The following CLDN10 variants were observed in gnomAD, a reference collection of about 807,000 sequenced individuals.
CLDN10 encodes the protein claudin 10, also known as claudin-10.
A neutral mutation model predicts 22.9 loss-of-function variants in CLDN10; 15 were observed. The ratio of observed to expected loss-of-function variants is 0.65; its 90% CI spans 0.44 to 1.01. The LOEUF (loss-of-function observed/expected upper bound fraction) is 1.01, where lower values mean the gene tolerates loss of function less well. Among genes scored for constraint, CLDN10 ranks in the 50% least tolerant of loss-of-function variants. The probability of loss-of-function intolerance (pLI) is 0.00; values close to 1 mark genes in which losing one functional copy is unlikely to be tolerated. For synonymous variants in CLDN10, 114 were observed against 111.4 expected (o/e 1.02, Z -0.15); for missense variants, 247 against 287.8 (o/e 0.86, Z 1.03).
At chr13:95,550,793 A>G (rs7322348), upstream of CLDN10, among the ~76,000 whole-genome samples, 96,755 of 148,484 alleles carry the variant, frequency 0.65, 31,800 homozygotes, top group Non-Finnish European at 0.69. Context: ...TAGCAAGGAG[A>G]ATGAGAAGGA....
chr13:95,438,975 CAAAAAAA>C (rs397851895), intron 1 of CLDN10, among the ~76,000 whole-genome samples: 33 of 62,222 alleles, frequency 5.3e-4, no homozygotes, highest in Middle Eastern at 8.2e-3. Context: ...GACTCCATCG[CAAAAAAA>C]AAAAAAAAAA....
At chr13:95,513,881 G>A (rs1183512249) in intron 1 of CLDN10, among the ~76,000 whole-genome samples, 1 of 152,202 alleles carries the variant, frequency 6.6e-6, no homozygotes, top group Non-Finnish European at 1.5e-5. Flanking sequence ...AATAAGCAGT[G>A]CTATATGATA....
intron 1 of CLDN10, among the ~76,000 whole-genome samples, chr13:95,468,639 T>C (rs151073061): frequency 6.6e-6 from 1 of 152,106 alleles, no homozygotes; most frequent in Non-Finnish European, 1.5e-5. Flanking sequence ...GGTGGGAGGA[T>C]CATTTGAACC....
At chr13:95,502,574 C>T (rs1174550136) in intron 1 of CLDN10, among the ~76,000 whole-genome samples, 2 of 152,148 alleles carry the variant, frequency 1.3e-5, no homozygotes, top group Admixed American at 6.6e-5. Flanking sequence ...AGCTAGAGTG[C>T]AGTGGCATGA....
chr13:95,517,624 G>A lies in CLDN10; in HGVS notation c.215-42508G>A, dbSNP rs1021548344. Among the ~76,000 whole-genome samples, 12 of 152,226 alleles carry A rather than the reference G, an allele frequency of 7.9e-5. No homozygotes were observed. In the South Asian group the frequency reaches 8.3e-4, roughly 11 times the overall value. On this transcript the variant is annotated intron_variant, in intron 1 of 4. Transcript: ENST00000376873. Reference sequence around the variant, plus strand: ...TTTCCTGACAAGATTCTGAAGTATAGACACTCTGTCTTACCAATTGAGAGA... The same window carrying A: ...TTTCCTGACAAGATTCTGAAGTATAAACACTCTGTCTTACCAATTGAGAGA...
At chr13:95,468,202 T>C (rs780353074) in intron 1 of CLDN10, among the ~76,000 whole-genome samples, 9 of 149,366 alleles carry the variant, frequency 6.0e-5, no homozygotes, top group South Asian at 2.2e-4. Context: ...CCTGATTAGA[T>C]TCTGGATTCT....
chr13:95,578,277 A>C lies in CLDN10; in HGVS notation c.*263A>C, dbSNP rs1382424721. 17 of 263,716 alleles carry C rather than the reference A, an allele frequency of 6.4e-5. No homozygotes were observed. In the East Asian group the frequency reaches 1.4e-3, roughly 22 times the overall value. 16.3% of individuals were successfully genotyped at this position (263,716 alleles called of 1,614,324 possible). A position where few individuals can be genotyped will look rare whatever the true frequency, so the allele number is the denominator to read the frequency against. On this transcript the variant is annotated 3_prime_UTR_variant, in exon 5 of 5. Transcript: ENST00000299339. ...TTCTACATTTATATAGAACATGAAA[A>C]GCATTTAGTACCAAAGGTTCAAGAA...
chr13:95,517,804 G>A (rs1388879630), intron 1 of CLDN10, among the ~76,000 whole-genome samples: 1 of 151,802 alleles, frequency 6.6e-6, no homozygotes, highest in Non-Finnish European at 1.5e-5. Context: ...CGTGGTGGCG[G>A]GTGCCTGTAA....
rs781569954 is a variant in CLDN10 at position 95,560,230 on chromosome 13, G to A, written c.319G>A (p.Gly107Arg). The part of the protein sequence containing the change: ...ALFGMKCTKV[G>R]GSDKAKAKIA... Reference sequence around the variant, plus strand: ...CTTTGGAATGAAGTGTACCAAAGTCGGAGGCTCCGATAAAGCCAAAGCTAA... The same window carrying A: ...CTTTGGAATGAAGTGTACCAAAGTCAGAGGCTCCGATAAAGCCAAAGCTAA... The change falls in exon 2 of 5, where the codon GGA becomes AGA. Residue 107 changes from glycine (G) to arginine (R), a missense_variant. Coordinates refer to ENST00000299339, the MANE Select transcript of CLDN10 (RefSeq NM_006984.5). The A allele has an allele frequency of 1.2e-5, 19 of 1,614,032 alleles. No homozygotes were observed. Among genetic ancestry groups the A allele is most frequent in the South Asian group, 2.2e-5 (2 of 91,076 alleles).
At chr13:95,476,930 A>G (rs1348762637) in intron 1 of CLDN10, among the ~76,000 whole-genome samples, 2 of 152,166 alleles carry the variant, frequency 1.3e-5, no homozygotes, top group Non-Finnish European at 2.9e-5. Flanking sequence ...CTGTGTGTGT[A>G]CAGGGTCTTG....
intron 1 of CLDN10, among the ~76,000 whole-genome samples, chr13:95,447,742 CGTGTGTGTGTGT>C (rs5805934): frequency 6.8e-5 from 10 of 147,648 alleles, no homozygotes; most frequent in African/African-American, 2.5e-4. Flanking sequence ...AGTGCACATG[CGTGTGTGTGTGT>C]GTGTGTGTGT....
At chr13:95,524,829 G>T (rs2043262332) in intron 1 of CLDN10, among the ~76,000 whole-genome samples, 1 of 150,992 alleles carries the variant, frequency 6.6e-6, no homozygotes, top group African/African-American at 2.4e-5. Context: ...TTGTTATTTT[G>T]TACTCTTTTA....
intron 1 of CLDN10, among the ~76,000 whole-genome samples, chr13:95,524,062 G>A (rs1440313080): frequency 6.7e-6 from 1 of 148,256 alleles, no homozygotes; most frequent in East Asian, 1.9e-4. Context: ...TAAGCTATAT[G>A]TCCAACGTTT....
chr13:95,500,922 G>C (rs781286970), intron 1 of CLDN10, among the ~76,000 whole-genome samples: 2 of 152,180 alleles, frequency 1.3e-5, no homozygotes, highest in African/African-American at 2.4e-5. Flanking sequence ...TGAGCAAAAG[G>C]AGTGGAAGAA....
At chr13:95,563,956 T>C (rs552735206) in intron 3 of CLDN10, among the ~76,000 whole-genome samples, 1 of 152,374 alleles carries the variant, frequency 6.6e-6, no homozygotes, top group South Asian at 2.1e-4. Flanking sequence ...AGCAATATTT[T>C]ATTTTGGCTT....
At chr13:95,457,045 C>A (rs539519480) in intron 1 of CLDN10, among the ~76,000 whole-genome samples, 1 of 152,152 alleles carries the variant, frequency 6.6e-6, no homozygotes, top group Admixed American at 6.5e-5. Flanking sequence ...AAAAGCACTT[C>A]CTCCCACAGC....
At chr13:95,490,461 T>G (rs1435907070) in intron 1 of CLDN10, among the ~76,000 whole-genome samples, 1 of 152,234 alleles carries the variant, frequency 6.6e-6, no homozygotes, top group Non-Finnish European at 1.5e-5. Context: ...TTTGATAGGC[T>G]GTGTCATTAT....
chr13:95,537,851 C>G (rs1445581411), intron 1 of CLDN10, among the ~76,000 whole-genome samples: 1 of 152,198 alleles, frequency 6.6e-6, no homozygotes, highest in African/African-American at 2.4e-5. Flanking sequence ...CTTCCAGCCC[C>G]TAAAAGTGAA....
intron 1 of CLDN10, among the ~76,000 whole-genome samples, chr13:95,513,677 T>C (rs1216690643): frequency 6.6e-6 from 1 of 152,232 alleles, no homozygotes; most frequent in Non-Finnish European, 1.5e-5. Flanking sequence ...AATGAGCTCT[T>C]ATCATTCATT....
Sources: gnomAD v4.1 joint callset for allele counts (sites outside exome capture counted in the v4.1 genomes callset) on GRCh38, gnomAD v4.1.1 for gene constraint, MANE v1.5 for transcripts, NCBI Gene and HGNC (gene_info 2026-07-23, HGNC 2026-07-21) for gene names.